KIF6: variants seen among roughly 807,000 people sequenced by gnomAD.
KIF6 encodes the protein kinesin-like protein KIF6.
Under a neutral mutation model 112.7 loss-of-function variants are expected in KIF6, and 106 were observed. That is an observed-to-expected ratio of 0.94 (90% CI 0.80 to 1.11). The LOEUF is 1.11. KIF6 is among the 50% of genes least tolerant of loss of function. KIF6 has a pLI of 0.00. For synonymous variants in KIF6, 339 were observed against 339.9 expected, an observed-to-expected ratio of 1.00 and a Z score of 0.03; for missense variants, 929 against 964.0, an observed-to-expected ratio of 0.96 and a Z score of 0.48.
intron 9 of KIF6, among the ~76,000 whole-genome samples, chr6:39,584,417 TAAAAAAAAAAAAAAAAAAAAAAAAAAAA>T (rs61215070): frequency 4.3e-5 from 2 of 46,064 alleles, no homozygotes; most frequent in Admixed American, 3.1e-4. Flanking sequence ...ACTCTGTCTC[TAAAAAAAAAAAAAAAAAAAAAAAAAAAA>T]AAAAAAAAAA....
intron 16 of KIF6, among the ~76,000 whole-genome samples, chr6:39,364,294 T>C (rs1765393430): frequency 1.3e-5 from 2 of 152,216 alleles, no homozygotes; most frequent in South Asian, 4.2e-4. Context: ...CTAATTTTTG[T>C]ATTTTTAGTA....
rs536803880 is a variant in KIF6 at position 39,705,871 on chromosome 6, A to G, written c.251+8821T>C. The stretch of plus-strand genomic sequence containing the variant: ...CTTTCCTTCGCTTTCTCACTTCCCT[A>G]CTGCACTCCTGGTGCTTCCTGAACT... On this transcript the variant is annotated intron_variant, in intron 3 of 22. Transcript: ENST00000287152. 1.4e-4 allele frequency among the ~76,000 whole-genome samples: 22 copies of G among 152,128 alleles called. 1 individual carries two copies. In the South Asian group the frequency reaches 3.9e-3, roughly 27 times the overall value.
At chr6:39,608,090 A>C (rs4363024) in intron 6 of KIF6, among the ~76,000 whole-genome samples, 80,881 of 151,854 alleles carry the variant, frequency 0.53, 23,775 homozygotes, top group African/African-American at 0.79. Context: ...TATTAACCCC[A>C]ACTCACACCC....
chr6:39,610,040 T>C (rs1486841734), intron 6 of KIF6, among the ~76,000 whole-genome samples: 1 of 152,238 alleles, frequency 6.6e-6, no homozygotes, highest in Non-Finnish European at 1.5e-5. Flanking sequence ...GTCCTATCTA[T>C]GGCACTATGC....
chr6:39,629,084 T>A (rs562087557), intron 5 of KIF6, among the ~76,000 whole-genome samples: 47 of 152,300 alleles, frequency 3.1e-4, no homozygotes, highest in African/African-American at 1.1e-3. Context: ...TTGATGAACA[T>A]CTTGGTTCCT....
chr6:39,672,720 A>C (rs2150833985), intron 3 of KIF6, among the ~76,000 whole-genome samples: 1 of 152,278 alleles, frequency 6.6e-6, no homozygotes, highest in Admixed American at 6.5e-5. Context: ...CACATGAAAG[A>C]GAGAGGTTTC....
intron 3 of KIF6, among the ~76,000 whole-genome samples, chr6:39,706,755 C>G (rs80042098): frequency 6.1e-4 from 93 of 152,224 alleles, no homozygotes; most frequent in African/African-American, 2.1e-3. Context: ...TTGTACAATT[C>G]AGTGGTGAAT....
chr6:39,591,937 C>T lies in KIF6; in HGVS notation c.846+4117G>A, dbSNP rs372234225. Among the ~76,000 whole-genome samples the T allele has an allele frequency of 2.8e-4, 43 of 152,116 alleles. 1 individual carries two copies. Among genetic ancestry groups the T allele is most frequent in the African/African-American group, 1.0e-3 (42 of 41,488 alleles). Reference sequence around the variant, plus strand: ...ACCATCCTGGCTAACATGGTGAAACCCCATCTTTACCAAAAATACAAAAAA... The same window carrying T: ...ACCATCCTGGCTAACATGGTGAAACTCCATCTTTACCAAAAATACAAAAAA... On this transcript the variant is annotated intron_variant, in intron 7 of 22. Transcript: ENST00000287152.
chr6:39,652,089 A>C (rs972596615), intron 3 of KIF6, among the ~76,000 whole-genome samples: 2 of 152,172 alleles, frequency 1.3e-5, no homozygotes, highest in Admixed American at 6.5e-5. Context: ...CTAGGGGCAC[A>C]CTATGAGAAG....
At position 39,540,056 on chromosome 6, in the gene KIF6, G is replaced by T. The variant is rs371002741; in HGVS notation, c.1592C>A (p.Ala531Asp). 6.2e-7 allele frequency: 1 copy of T among 1,613,560 alleles called. No homozygotes were observed. The highest frequency in any genetic ancestry group is 1.3e-5 in the African/African-American group (1 of 74,886). The change falls in exon 13 of 23, where the codon GCC (alanine) becomes GAC (aspartate). Residue 531 changes from alanine to aspartate, a missense_variant. Physicochemically the swap from Ala to Asp is moderately radical, Grantham distance 126. This residue lies in a region of KIF6 where 688 missense variants were observed against 662.7 expected (regional missense o/e 1.04). Coordinates refer to ENST00000287152, the MANE Select transcript of KIF6 (RefSeq NM_145027.6). ...TTTCCCCAAAATGCTGAAGTCCTGG[G>T]CCTGTGAGGGAGCTGAGGATAGTCG... The part of the protein sequence containing the change: ...RMRLSSAPSQ[A>D]QDFSILGKRS...
At chr6:39,538,013 T>C (rs138200714) in intron 13 of KIF6, among the ~76,000 whole-genome samples, 3 of 152,354 alleles carry the variant, frequency 2.0e-5, no homozygotes, top group Admixed American at 1.3e-4. Flanking sequence ...TGGCTAGCTA[T>C]ATGTAGAAAG....
At chr6:39,536,500 C>T (rs1033589430) in intron 13 of KIF6, among the ~76,000 whole-genome samples, 15 of 150,080 alleles carry the variant, frequency 1.0e-4, no homozygotes, top group Admixed American at 8.0e-4. Context: ...ATACACTCTC[C>T]CAAGACTAAA....
At chr6:39,443,070 C>A (rs111644160) in intron 13 of KIF6, among the ~76,000 whole-genome samples, 1 of 150,160 alleles carries the variant, frequency 6.7e-6, no homozygotes, top group Non-Finnish European at 1.5e-5. Flanking sequence ...GCCGAGATCA[C>A]GCCATTGCAC....
intron 17 of KIF6, among the ~76,000 whole-genome samples, chr6:39,361,101 C>T (rs978835296): frequency 2.0e-4 from 30 of 152,134 alleles, no homozygotes; most frequent in African/African-American, 7.0e-4. Flanking sequence ...TGCTTATGAA[C>T]GCATACATAT....
chr6:39,466,365 A>G (rs1381441346), intron 13 of KIF6, among the ~76,000 whole-genome samples: 1 of 152,242 alleles, frequency 6.6e-6, no homozygotes, highest in African/African-American at 2.4e-5. Context: ...TGCTATTTCC[A>G]AAATGGTGGT....
At position 39,631,635 on chromosome 6, in the gene KIF6, T is replaced by C. The variant is rs115429476; in HGVS notation, c.509+3214A>G. Among the ~76,000 whole-genome samples the C allele has an allele frequency of 5.2e-3, 791 of 152,218 alleles. 7 individuals are homozygous for C. Among genetic ancestry groups the C allele is most frequent in the Non-Finnish European group, 8.0e-3 (541 of 67,960 alleles). On this transcript the variant is annotated intron_variant, in intron 5 of 22. Transcript: ENST00000287152. Reference sequence around the variant, plus strand: ...ATGATATAGTATTGATTTTATACATTTGTGGATTCAATTGTCAATATTTTG... The same window carrying C: ...ATGATATAGTATTGATTTTATACATCTGTGGATTCAATTGTCAATATTTTG...
At chr6:39,580,204 T>C (rs1424311777) in intron 9 of KIF6, among the ~76,000 whole-genome samples, 1 of 152,114 alleles carries the variant, frequency 6.6e-6, no homozygotes, top group African/African-American at 2.4e-5. Context: ...ATACCTTACG[T>C]GTCTTTAATT....
chr6:39,654,684 C>T (rs1785666271), intron 3 of KIF6, among the ~76,000 whole-genome samples: 2 of 152,194 alleles, frequency 1.3e-5, no homozygotes, highest in African/African-American at 2.4e-5. Context: ...CCATAGTTAT[C>T]GCTGTTAGTT....
At chr6:39,415,025 A>G (rs535583492) in intron 15 of KIF6, among the ~76,000 whole-genome samples, 11 of 152,014 alleles carry the variant, frequency 7.2e-5, no homozygotes, top group African/African-American at 2.7e-4. Context: ...TGTCTCTACT[A>G]AAAATACAAA....
Sources: gnomAD v4.1 joint callset for allele counts (sites outside exome capture counted in the v4.1 genomes callset) on GRCh38, gnomAD v4.1.1 for gene constraint, gnomAD v4.1.1 regional missense constraint, MANE v1.5 for transcripts, NCBI Gene and HGNC (gene_info 2026-07-23, HGNC 2026-07-21) for gene names.